Variants in PI4KB observed in about 807,000 individuals in gnomAD.
PI4KB encodes phosphatidylinositol 4-kinase beta, also known as PtdIns 4-kinase beta.
In PI4KB, 23 loss-of-function variants were observed where a neutral mutation model predicts 81.4. The ratio of observed to expected loss-of-function variants is 0.28; its 90% CI spans 0.20 to 0.40. PI4KB has a LOEUF of 0.40. Among genes scored for constraint, PI4KB ranks in the 10% least tolerant of loss-of-function variants. PI4KB has a pLI of 1.00. For synonymous variants in PI4KB, 381 were observed against 406.8 expected (o/e 0.94, Z 0.76); for missense variants, 651 against 1,036.6 (o/e 0.63, Z 5.11).
At chr1:151,304,422 C>T (rs959049474) in intron 5 of PI4KB, among the ~76,000 whole-genome samples, 7 of 150,126 alleles carry the variant, frequency 4.7e-5, no homozygotes, top group Admixed American at 3.3e-4. Context: ...CGGCTCACTG[C>T]GACCTCCGCC....
At chr1:151,304,321 G>C (rs1268664782) in intron 5 of PI4KB, among the ~76,000 whole-genome samples, 2 of 150,118 alleles carry the variant, frequency 1.3e-5, no homozygotes, top group African/African-American at 4.9e-5. Context: ...CTGCCTTTTG[G>C]CAAAGTGAAA....
chr1:151,306,383 G>A lies in PI4KB; in HGVS notation c.1183-20C>T. On this transcript the variant is annotated intron_variant, in intron 4 of 11. Coordinates refer to ENST00000368873, the MANE Select transcript of PI4KB (RefSeq NM_001369623.2). ...GGGAGCCTGGGGGAAGAGTGAGACA[G>A]TATTTGCAACTTACTTCCACCACTA... 3 of 1,531,924 alleles carry A rather than the reference G, an allele frequency of 2.0e-6. No individual in the cohort carries two copies. Among genetic ancestry groups the A allele is most frequent in the Non-Finnish European group, 2.7e-6 (3 of 1,105,414 alleles). 94.9% of individuals were successfully genotyped at this position (1,531,924 alleles called of 1,614,324 possible).
chr1:151,303,793 G>A, intron 5 of PI4KB, 143 bp from the exon 6 acceptor site: 1 of 649,624 alleles, frequency 1.5e-6, no homozygotes, highest in Non-Finnish European at 2.8e-6. Flanking sequence ...TGGGACCCCA[G>A]GCTGCCCAGA....
intron 3 of PI4KB, among the ~76,000 whole-genome samples, chr1:151,309,191 G>A (rs867478272): frequency 6.6e-6 from 1 of 152,184 alleles, no homozygotes; most frequent in Admixed American, 6.5e-5. Context: ...GAAATTTGAA[G>A]ACTCACTTCT....
intron 2 of PI4KB, among the ~76,000 whole-genome samples, chr1:151,315,288 A>G (rs1557807233): frequency 6.6e-6 from 1 of 152,286 alleles, no homozygotes; most frequent in East Asian, 1.9e-4. Context: ...GTGCAGTTTA[A>G]TAAAAATGAT....
chr1:151,294,380 C>T (rs1179393139), intron 10 of PI4KB, 29 bp downstream of exon 10: 2 of 1,610,632 alleles, frequency 1.2e-6, no homozygotes, highest in African/African-American at 1.3e-5. Flanking sequence ...ACAATGACCC[C>T]CGAGAGGCAC....
intron 9 of PI4KB, among the ~76,000 whole-genome samples, chr1:151,295,715 A>G (rs1159089327): frequency 6.6e-6 from 1 of 152,194 alleles, no homozygotes; most frequent in Admixed American, 6.5e-5. Flanking sequence ...TTTTTGAGGT[A>G]CTATGAACGG....
Position 151,293,025 on chromosome 1 carries a change from G to A in PI4KB, c.2278C>T (p.Leu760Phe). 1 of 1,614,032 alleles carries A rather than the reference G, an allele frequency of 6.2e-7. No homozygotes were observed. Among genetic ancestry groups the A allele is most frequent in the Non-Finnish European group, 8.5e-7 (1 of 1,179,906 alleles). Residue 760 changes from leucine (L) to phenylalanine (F), a missense_variant, in exon 12 of 12, where the codon CTT (leucine) becomes TTT (phenylalanine). This residue lies in a region of PI4KB where 70 missense variants were observed against 108.1 expected (regional missense o/e 0.65). Coordinates refer to ENST00000368873, the MANE Select transcript of PI4KB (RefSeq NM_001369623.2). The stretch of plus-strand genomic sequence containing the variant: ...GTGCTGGAGCCATGGAAGCAAGGAA[G>A]CTGAGAACCTGGGGGAAGCAGTCGG... ...IVEIMQQGSQ[L>F]PCFHGSSTIR...
At position 151,316,499 on chromosome 1, in the gene PI4KB, G is replaced by A. The variant is rs752503894; in HGVS notation, c.-18C>T. The A allele has an allele frequency of 1.3e-6, 2 of 1,510,318 alleles. No individual in the cohort carries two copies. Among genetic ancestry groups the A allele is most frequent in the South Asian group, 1.4e-5 (1 of 73,870 alleles). 93.6% of individuals were successfully genotyped at this position (1,510,318 alleles called of 1,614,324 possible). The stretch of plus-strand genomic sequence containing the variant: ...TCTCCCATGGCCACAGCCAGACTTC[G>A]AGCTTCCAAGCTACAGGAAGAGGGA... On this transcript the variant is annotated 5_prime_UTR_variant, in exon 2 of 12. Coordinates refer to ENST00000368873, the MANE Select transcript of PI4KB (RefSeq NM_001369623.2).
chr1:151,297,480 A>AC (rs959283682), intron 9 of PI4KB, among the ~76,000 whole-genome samples: 19 of 151,572 alleles, frequency 1.3e-4, no homozygotes, highest in African/African-American at 3.4e-4. Context: ...AGCTGGGATT[A>AC]CAGGTGTGCA....
Position 151,292,704 on chromosome 1 carries a change from TACC to T in PI4KB, c.*145_*147del, listed in dbSNP as rs370208380. The T allele has an allele frequency of 6.8e-6, 5 of 735,440 alleles. No homozygotes were observed. Among genetic ancestry groups the T allele is most frequent in the African/African-American group, 3.6e-5 (2 of 56,204 alleles). 45.6% of individuals were successfully genotyped at this position (735,440 alleles called of 1,614,324 possible). ...CCACCCCTCAGCAAGCTCTCGCAGTTACCACATGATCCTTCGTGTTTCTTGCCT... is the reference window on the plus strand; with the variant it reads ...CCACCCCTCAGCAAGCTCTCGCAGTTACATGATCCTTCGTGTTTCTTGCCT... On this transcript the variant is annotated 3_prime_UTR_variant, in exon 12 of 12. Transcript: ENST00000368873.
chr1:151,303,674 A>G, intron 5 of PI4KB, 24 bp from the exon 6 acceptor site: 1 of 1,482,724 alleles, frequency 6.7e-7, no homozygotes, highest in Non-Finnish European at 9.4e-7. Flanking sequence ...AGTGCTGGTC[A>G]GAAGTGCTAA....
At chr1:151,297,114 G>A (rs979398852) in intron 9 of PI4KB, among the ~76,000 whole-genome samples, 1 of 152,116 alleles carries the variant, frequency 6.6e-6, no homozygotes, top group African/African-American at 2.4e-5. Context: ...CTGTTAGCTA[G>A]CTAGCTAGCT....
chr1:151,299,486 AG>A (rs1695073691), intron 8 of PI4KB, among the ~76,000 whole-genome samples: 2 of 152,202 alleles, frequency 1.3e-5, no homozygotes, highest in African/African-American at 4.8e-5. Context: ...GTTCAAGACC[AG>A]CCTGGCCAAC....
Position 151,321,879 on chromosome 1 carries a change from A to C in PI4KB, c.-28-5370T>G, listed in dbSNP as rs567407952. On this transcript the variant is annotated intron_variant, in intron 1 of 11. Transcript: ENST00000368873. ...CAGAGTGAGACTCTGTCTTAAAAAA[A>C]AAAAAAAAAAAAAGCCTTTGAGGGT... 2.6e-5 allele frequency among the ~76,000 whole-genome samples: 4 copies of C among 151,466 alleles called. No individual in the cohort carries two copies. The East Asian group carries it at 7.8e-4, about 29-fold the overall frequency.
chr1:151,311,841 G>A lies in PI4KB; in HGVS notation c.910-1586C>T, dbSNP rs1696256010. ...CCATATCAAGCTAGAAGGCCTACTG[G>A]GGCTTCCAGTGTGACATGCGGCAGA... is the stretch of plus-strand genomic sequence containing the variant. On this transcript the variant is annotated intron_variant, in intron 2 of 11. Transcript: ENST00000368873. 2.6e-5 allele frequency among the ~76,000 whole-genome samples: 4 copies of A among 152,332 alleles called. No homozygotes were observed. In the South Asian group the frequency reaches 6.2e-4, roughly 24 times the overall value.
Position 151,310,243 on chromosome 1 carries a change from TGGA to T in PI4KB, c.919_921del (p.Ser308del), listed in dbSNP as rs769207623. The T allele has an allele frequency of 1.2e-5, 18 of 1,537,272 alleles. No individual in the cohort carries two copies. The African/African-American group carries it at 2.3e-4, about 19-fold the overall frequency. On this transcript the variant is annotated inframe_deletion, in exon 3 of 12. Transcript: ENST00000368873. The stretch of plus-strand genomic sequence containing the variant: ...AATGAATTATCAATACTCTCGGTGC[TGGA>T]GGAGAGCTCCTGGGAAAGGGCCAGA...
At chr1:151,319,144 C>T (rs763536620) in intron 1 of PI4KB, among the ~76,000 whole-genome samples, 14 of 152,148 alleles carry the variant, frequency 9.2e-5, no homozygotes, top group Non-Finnish European at 1.8e-4. Flanking sequence ...ATGAAAGAAT[C>T]TAGCACAGTC....
intron 1 of PI4KB, among the ~76,000 whole-genome samples, chr1:151,325,947 G>A (rs182197467): frequency 3.9e-5 from 6 of 152,234 alleles, no homozygotes; most frequent in African/African-American, 1.2e-4. Context: ...CAGGAGTCCC[G>A]ATTCTGAATG....
Sources: allele counts gnomAD v4.1 joint callset (sites outside exome capture counted in the v4.1 genomes callset), GRCh38; gene constraint gnomAD v4.1.1; regional missense constraint gnomAD v4.1.1; transcripts MANE v1.5; gene names NCBI Gene and HGNC (gene_info 2026-07-23, HGNC 2026-07-21).